The following SLC6A17 variants were observed in gnomAD, a reference collection of about 807,000 sequenced individuals.
SLC6A17 encodes solute carrier family 6 member 17.
A neutral mutation model predicts 64.5 loss-of-function variants in SLC6A17; 21 were observed. The ratio of observed to expected loss-of-function variants is 0.33; its 90% CI spans 0.23 to 0.47. The LOEUF (loss-of-function observed/expected upper bound fraction) is 0.47. Ranked by LOEUF, SLC6A17 falls within the 20% of genes least tolerant of loss-of-function variation. The pLI, the probability that SLC6A17 is intolerant of heterozygous loss-of-function variation, is 1.00. For missense variants in SLC6A17, 682 were observed against 963.2 expected, an observed-to-expected ratio of 0.71 and a Z score of 3.86; for synonymous variants, 372 against 399.5, an observed-to-expected ratio of 0.93 and a Z score of 0.82.
At position 110,194,737 on chromosome 1, in the gene SLC6A17, C is replaced by T. The variant is rs1310962386; in HGVS notation, c.1458C>T (p.Ile486=). The change falls in exon 9 of 12, where the codon ATC becomes ATT. Residue 486 remains isoleucine (I), a synonymous_variant. Coordinates refer to ENST00000331565, the MANE Select transcript of SLC6A17 (RefSeq NM_001010898.4). ...GTMAGITTPI[I]DTFKVPKEMF... ...TGGCAGGCATCACCACGCCCATCAT[C>T]GACACCTTCAAGGTGCCCAAGGAGA... The T allele has an allele frequency of 6.8e-6, 11 of 1,613,950 alleles. No individual in the cohort carries two copies. The highest frequency in any genetic ancestry group is 3.3e-5 in the South Asian group (3 of 91,096).
intron 6 of SLC6A17, among the ~76,000 whole-genome samples, chr1:110,185,876 C>T (rs1656672336): frequency 6.6e-6 from 1 of 152,156 alleles, no homozygotes; most frequent in African/African-American, 2.4e-5. Flanking sequence ...GTGGTCATCT[C>T]CATCAGCAAG....
At position 110,174,028 on chromosome 1, in the gene SLC6A17, A is replaced by G. The variant is rs894653327; in HGVS notation, c.500A>G (p.Tyr167Cys). The change falls in exon 4 of 12, where the codon TAT (tyrosine) becomes TGT (cysteine). Residue 167 changes from tyrosine (Y) to cysteine (C), a missense_variant. Coordinates refer to ENST00000331565, the MANE Select transcript of SLC6A17 (RefSeq NM_001010898.4). The part of the protein sequence containing the change: ...YNVIIGWSIF[Y>C]FFKSFQYPLP... ...GTGATCATCGGGTGGAGCATCTTCT[A>G]TTTCTTCAAGTCCTTCCAGTACCCG... The G allele has an allele frequency of 1.2e-6, 2 of 1,613,988 alleles. No individual in the cohort carries two copies. The highest frequency in any genetic ancestry group is 1.7e-6 in the Non-Finnish European group (2 of 1,180,016).
At chr1:110,185,593 G>A (rs1656663748) in intron 6 of SLC6A17, among the ~76,000 whole-genome samples, 2 of 152,240 alleles carry the variant, frequency 1.3e-5, no homozygotes, top group South Asian at 4.1e-4. Flanking sequence ...CTGTTCCTCT[G>A]TTTTAGAGCA....
chr1:110,176,723 A>C lies in SLC6A17; in HGVS notation c.848A>C (p.His283Pro). ...LLRGAVDGIL[H>P]MFTPKLDKML... ...CGAGGGGCAGTTGATGGCATCCTAC[A>C]CATGTTCACTCCCAAGGTAAGGGTT... Residue 283 changes from histidine (H) to proline (P), a missense_variant, in exon 6 of 12, where the codon CAC becomes CCC. By Grantham distance (77) the His-to-Pro change is moderately conservative. Around this residue, in one of 3 missense-constraint regions of SLC6A17, gnomAD observed 415 missense variants for 603.8 expected, o/e 0.69. Coordinates refer to ENST00000331565, the MANE Select transcript of SLC6A17 (RefSeq NM_001010898.4). The C allele has an allele frequency of 6.2e-7, 1 of 1,613,760 alleles. No homozygotes were observed. The highest frequency in any genetic ancestry group is 8.5e-7 in the Non-Finnish European group (1 of 1,179,788).
At chr1:110,160,278 G>A (rs1328522793) in intron 1 of SLC6A17, among the ~76,000 whole-genome samples, 2 of 152,224 alleles carry the variant, frequency 1.3e-5, no homozygotes, top group Admixed American at 6.5e-5. Context: ...AGGTTCAAAT[G>A]TCTCTCTAGT....
intron 11 of SLC6A17, 141 bp downstream of exon 11, chr1:110,197,740 A>G: frequency 9.9e-7 from 1 of 1,010,912 alleles, no homozygotes; most frequent in Non-Finnish European, 1.4e-6. Context: ...CCGCAATCTT[A>G]CAACAAGCCA....
At chr1:110,196,131 T>G (rs1656959844) in intron 10 of SLC6A17, among the ~76,000 whole-genome samples, 1 of 152,118 alleles carries the variant, frequency 6.6e-6, no homozygotes, top group African/African-American at 2.4e-5. Flanking sequence ...GATAGGGGTA[T>G]GAGATGAGGT....
In SLC6A17 at chr1:110,194,808, G is replaced by A. The variant is rs771703792; in HGVS notation, c.1492+37G>A. On this transcript the variant is annotated intron_variant, in intron 9 of 11. Transcript: ENST00000331565. ...CTGCCCCCATGCCCAGGCTCTGCAG[G>A]CTGCCCTTGTGGACAACAATTCCGT... The A allele has an allele frequency of 5.0e-5, 81 of 1,605,450 alleles. 1 individual carries two copies. Among genetic ancestry groups the A allele is most frequent in the Admixed American group, 2.3e-4 (14 of 59,948 alleles).
intron 6 of SLC6A17, among the ~76,000 whole-genome samples, chr1:110,187,270 G>T (rs1016576728): frequency 6.6e-6 from 1 of 152,208 alleles, no homozygotes; most frequent in Non-Finnish European, 1.5e-5. Flanking sequence ...AGCCAGAGTA[G>T]GTTCAGAGAC....
At position 110,197,939 on chromosome 1, in the gene SLC6A17, G is replaced by C. The variant is rs536193043; in HGVS notation, c.1816-137G>C. 2.1e-6 allele frequency: 3 copies of C among 1,426,132 alleles called. No homozygotes were observed. In the South Asian group the frequency reaches 4.2e-5, roughly 20 times the overall value. 88.3% of individuals were successfully genotyped at this position (1,426,132 alleles called of 1,614,324 possible). ...GGTGACCAGGTAAACCCCCATCCTT[G>C]GCTGTGCCTGGCCAGGATGGTGGGA... On this transcript the variant is annotated intron_variant, in intron 11 of 11. Transcript: ENST00000331565.
At chr1:110,162,067 C>T (rs1199826503) in intron 1 of SLC6A17, among the ~76,000 whole-genome samples, 6 of 152,250 alleles carry the variant, frequency 3.9e-5, no homozygotes, top group African/African-American at 7.2e-5. Flanking sequence ...AGGGCCTTCT[C>T]GGCACTCGTG....
Position 110,197,427 on chromosome 1 carries a change from T to C in SLC6A17, c.1653-10T>C. 2 of 1,607,560 alleles carry C rather than the reference T, an allele frequency of 1.2e-6. No individual in the cohort carries two copies. Among genetic ancestry groups the C allele is most frequent in the African/African-American group, 1.3e-5 (1 of 74,900 alleles). On this transcript the variant is annotated splice_polypyrimidine_tract_variant and intron_variant, in intron 10 of 11. Coordinates refer to ENST00000331565, the MANE Select transcript of SLC6A17 (RefSeq NM_001010898.4). ...ATGCCAACTGCTGGACCCTCTGCTA[T>C]GCCTGGCAGGTTCATGCAGGAGCTG...
chr1:110,168,057 C>G (rs1453412322), intron 2 of SLC6A17: 1 of 152,194 alleles, frequency 6.6e-6, no homozygotes, highest in Non-Finnish European at 1.5e-5. Context: ...CAGGAATTGT[C>G]CAAAGGCAGC....
chr1:110,191,890 G>T, intron 6 of SLC6A17, 82 bp from the exon 7 acceptor site: 1 of 1,543,626 alleles, frequency 6.5e-7, no homozygotes, highest in Non-Finnish European at 8.7e-7. Flanking sequence ...CTCTGTTGAG[G>T]CTGAGAAAGG....
intron 2 of SLC6A17, among the ~76,000 whole-genome samples, chr1:110,169,936 TAGAG>T (rs1656174167): frequency 6.6e-6 from 1 of 152,174 alleles, no homozygotes; most frequent in African/African-American, 2.4e-5. Context: ...CTTGGTGTGG[TAGAG>T]AGACCTGCAG....
rs1255991486 is a variant in SLC6A17, at chr1:110,200,442, A to G, written c.*1998A>G. ...AAGCAGAATTAGCAACAGGAAAAGC[A>G]GAGCCCCAGGAGAGACACTCTACTA... is the stretch of plus-strand genomic sequence containing the variant. On this transcript the variant is annotated 3_prime_UTR_variant, in exon 12 of 12. Transcript: ENST00000331565. 8.2e-6 allele frequency: 2 copies of G among 243,862 alleles called. No homozygotes were observed. Among genetic ancestry groups the G allele is most frequent in the Admixed American group, 5.6e-5 (1 of 17,868 alleles). 15.1% of individuals were successfully genotyped at this position (243,862 alleles called of 1,614,324 possible).
intron 6 of SLC6A17, among the ~76,000 whole-genome samples, chr1:110,184,111 T>C (rs1408624444): frequency 6.6e-6 from 1 of 152,148 alleles, no homozygotes; most frequent in African/African-American, 2.4e-5. Context: ...CTGTTTTTTC[T>C]GTTTTTGTTG....
At position 110,201,152 on chromosome 1, in the gene SLC6A17, C is replaced by G. The variant is rs1373451755; in HGVS notation, c.*2708C>G. 6.6e-6 allele frequency: 1 copy of G among 152,156 alleles called. No individual in the cohort carries two copies. The highest frequency in any genetic ancestry group is 1.9e-4 in the East Asian group (1 of 5,198). The allele number at this position is 152,156 out of a possible 1,614,324, so 9.4% of individuals were successfully genotyped here. On this transcript the variant is annotated 3_prime_UTR_variant, in exon 12 of 12. Coordinates refer to ENST00000331565, the MANE Select transcript of SLC6A17 (RefSeq NM_001010898.4). ...AAAAGTACTAGGATTCTTAAGATGG[C>G]GAGACCCCAAGAGGGATCTCATAGC...
At chr1:110,171,367 G>T (rs1178930698) in intron 2 of SLC6A17, among the ~76,000 whole-genome samples, 1 of 152,204 alleles carries the variant, frequency 6.6e-6, no homozygotes, top group Non-Finnish European at 1.5e-5. Context: ...GATTGTTTCT[G>T]CAGTGAGGCC....
Sources: allele counts gnomAD v4.1 joint callset (sites outside exome capture counted in the v4.1 genomes callset), GRCh38; gene constraint gnomAD v4.1.1; regional missense constraint gnomAD v4.1.1; transcripts MANE v1.5; gene names NCBI Gene and HGNC (gene_info 2026-07-23, HGNC 2026-07-21).